Variants in SP100 observed in about 807,000 individuals in gnomAD.
SP100 encodes SP100 nuclear body protein, also known as nuclear autoantigen Sp-100.
SP100 carries 84 observed loss-of-function variants against 130.0 expected under a neutral mutation model. That is an observed-to-expected ratio of 0.65 (90% CI 0.54 to 0.77). The LOEUF (loss-of-function observed/expected upper bound fraction) is 0.77. Among genes scored for constraint, SP100 ranks in the 30% least tolerant of loss-of-function variants. The pLI, the probability that SP100 is intolerant of heterozygous loss-of-function variation, is 0.00. For missense variants in SP100, 978 were observed against 1,052.2 expected, an observed-to-expected ratio of 0.93 and a Z score of 0.97; for synonymous variants, 331 against 351.7, an observed-to-expected ratio of 0.94 and a Z score of 0.66.
chr2:230,463,047 A>G (rs1390426670), intron 10 of SP100, among the ~76,000 whole-genome samples: 1 of 152,230 alleles, frequency 6.6e-6, no homozygotes, highest in Admixed American at 6.5e-5. Flanking sequence ...TCAGCAAGTC[A>G]TGGCACATTT....
chr2:230,465,188 A>G (rs903551381), intron 11 of SP100, among the ~76,000 whole-genome samples: 1 of 152,002 alleles, frequency 6.6e-6, no homozygotes, highest in African/African-American at 2.4e-5. Flanking sequence ...GTGAGCCAAG[A>G]TCATACCACT....
chr2:230,534,222 A>T (rs922089862), intron 24 of SP100, among the ~76,000 whole-genome samples: 2 of 152,186 alleles, frequency 1.3e-5, no homozygotes, highest in African/African-American at 2.4e-5. Flanking sequence ...CCTGGCTAAC[A>T]TGGTGAAACT....
At chr2:230,541,169 A>G in intron 26 of SP100, 132 bp from the exon 27 acceptor site, 2 of 1,223,864 alleles carry the variant, frequency 1.6e-6, no homozygotes, top group East Asian at 2.4e-5. Context: ...ATCCCGGTCC[A>G]AAGAAACTCC....
chr2:230,464,069 A>G lies in SP100; in HGVS notation c.1060A>G (p.Ile354Val), dbSNP rs2064807135. The change falls in exon 11 of 29, where the codon ATC becomes GTC. Residue 354 changes from isoleucine to valine, a missense_variant and splice_region_variant. Physicochemically the swap from Ile to Val is conservative, Grantham distance 29. Transcript: ENST00000340126. Reference protein sequence around the residue: ...FISAPRSEPVINNDNPLESND... With the variant: ...FISAPRSEPVVNNDNPLESND... ...AAGAATCCCATTCTTTTGTGCAGTG[A>G]TCAATAATGACAACCCTTTAGAATC... is the stretch of plus-strand genomic sequence containing the variant. 1.9e-6 allele frequency: 3 copies of G among 1,608,298 alleles called. No homozygotes were observed. The highest frequency in any genetic ancestry group is 2.6e-6 in the Non-Finnish European group (3 of 1,174,830).
chr2:230,508,910 A>C, intron 23 of SP100: 1 of 139,010 alleles, frequency 7.2e-6, no homozygotes, highest in Non-Finnish European at 1.5e-5. Context: ...TTTATCTTTT[A>C]CCTCCACCAC....
chr2:230,444,371 T>G, intron 4 of SP100, 25 bp downstream of exon 4: 1 of 1,597,920 alleles, frequency 6.3e-7, no homozygotes, highest in Non-Finnish European at 8.6e-7. Context: ...TATCTACCTT[T>G]TTATTTCCAG....
rs143500479 is a variant in SP100 at position 230,467,122 on chromosome 2, A to G, written c.1198A>G (p.Ile400Val). Residue 400 changes from isoleucine (I) to valine (V), a missense_variant and splice_region_variant, in exon 13 of 29, where the codon ATA becomes GTA. Physicochemically the swap from Ile to Val is conservative, Grantham distance 29 (BLOSUM62 3). Coordinates refer to ENST00000340126, the MANE Select transcript of SP100 (RefSeq NM_001080391.2). Reference sequence around the variant, plus strand: ...AGGACATTTGCTCCTTTCTGCAGTGATAGGACAAGACCACGACTTTTCAGA... The same window carrying G: ...AGGACATTTGCTCCTTTCTGCAGTGGTAGGACAAGACCACGACTTTTCAGA... ...TFRESFKKRV[I>V]GQDHDFSESS... 4.3e-6 allele frequency: 7 copies of G among 1,612,262 alleles called. No individual in the cohort carries two copies. The highest frequency in any genetic ancestry group is 5.1e-6 in the Non-Finnish European group (6 of 1,178,304).
rs1260977281 is a variant in SP100, at chr2:230,443,082, A to G, written c.253A>G (p.Thr85Ala). 6.2e-7 allele frequency: 1 copy of G among 1,613,880 alleles called. No homozygotes were observed. The highest frequency in any genetic ancestry group is 8.5e-7 in the Non-Finnish European group (1 of 1,179,944). Residue 85 changes from threonine to alanine, a missense_variant, in exon 3 of 29, where the codon ACA becomes GCA. Coordinates refer to ENST00000340126, the MANE Select transcript of SP100 (RefSeq NM_001080391.2). ...LEGLRDRDLI[T>A]NKMFEDSQDS... is the part of the protein sequence containing the mutation. The stretch of plus-strand genomic sequence containing the variant: ...GGGCCTCCGTGATCGTGATCTCATC[A>G]CAAATAAAATGTTTGAAGTAAGTAA...
At chr2:230,482,808 AT>A (rs2065897265) in intron 17 of SP100, among the ~76,000 whole-genome samples, 1 of 152,156 alleles carries the variant, frequency 6.6e-6, no homozygotes. Context: ...TTTATAACGT[AT>A]TAATATCAGG....
chr2:230,425,168 TCTA>T (rs2062888598), intron 2 of SP100, among the ~76,000 whole-genome samples: 1 of 152,218 alleles, frequency 6.6e-6, no homozygotes, highest in South Asian at 2.1e-4. Context: ...ATATTTAAGA[TCTA>T]CTCTCTCAGC....
chr2:230,540,525 G>A (rs1181239791), intron 25 of SP100, among the ~76,000 whole-genome samples: 1 of 152,186 alleles, frequency 6.6e-6, no homozygotes, highest in Non-Finnish European at 1.5e-5. Flanking sequence ...GACTCATAGA[G>A]GCCCAACACT....
intron 24 of SP100, chr2:230,538,846 G>A: frequency 6.3e-6 from 1 of 159,452 alleles, no homozygotes; most frequent in South Asian, 1.8e-4. Flanking sequence ...TATGACAAGA[G>A]TGTGGGTTGC....
intron 2 of SP100, among the ~76,000 whole-genome samples, chr2:230,437,569 TTTG>T (rs1243623153): frequency 1.3e-5 from 2 of 151,898 alleles, no homozygotes; most frequent in Non-Finnish European, 2.9e-5. Flanking sequence ...TTTGTTTTGT[TTTG>T]TTGTTGTTGT....
At chr2:230,515,175 C>A in intron 24 of SP100, 1 of 1,613,510 alleles carries the variant, frequency 6.2e-7, no homozygotes, top group Non-Finnish European at 8.5e-7. Flanking sequence ...CATGGAAGAC[C>A]ATTTTTGCTA....
At chr2:230,502,134 TG>T (rs2067072314) in intron 19 of SP100, among the ~76,000 whole-genome samples, 1 of 151,992 alleles carries the variant, frequency 6.6e-6, no homozygotes, top group Non-Finnish European at 1.5e-5. Flanking sequence ...CCATCCACCT[TG>T]GCCTCCCAAA....
chr2:230,498,640 G>A, intron 19 of SP100, 105 bp downstream of exon 19: 2 of 549,954 alleles, frequency 3.6e-6, no homozygotes, highest in Non-Finnish European at 5.9e-6. Flanking sequence ...ACTTACTGTT[G>A]AGAAATATAT....
intron 2 of SP100, among the ~76,000 whole-genome samples, chr2:230,428,521 C>A (rs2063005170): frequency 6.6e-6 from 1 of 151,872 alleles, no homozygotes; most frequent in African/African-American, 2.4e-5. Flanking sequence ...CAGCTCACTG[C>A]AAACTCCACC....
rs1180295340 is a variant in SP100, at chr2:230,515,836, C to A, written c.2094+4670C>A. On this transcript the variant is annotated intron_variant, in intron 24 of 28. Transcript: ENST00000340126. ...GCCCTGTCCTGGTGGTATTTAGCCA[C>A]TAACCTTTGCCTGGTACAGTATGGG... The A allele has an allele frequency of 3.6e-6, 5 of 1,386,212 alleles. No individual in the cohort carries two copies. In the African/African-American group the frequency reaches 5.8e-5, roughly 16 times the overall value. The allele number at this position is 1,386,212 out of a possible 1,614,324, so 85.9% of individuals were successfully genotyped here. A position where few individuals can be genotyped will look rare whatever the true frequency, so the allele number is the denominator to read the frequency against.
At chr2:230,494,322 A>G in intron 17 of SP100, 94 bp from the exon 18 acceptor site, 1 of 1,026,426 alleles carries the variant, frequency 9.7e-7, no homozygotes, top group Non-Finnish European at 1.5e-6. Context: ...TAGAAGGAAA[A>G]CAAAATTCAA....
Sources: gnomAD v4.1 joint callset for allele counts (sites outside exome capture counted in the v4.1 genomes callset) on GRCh38, gnomAD v4.1.1 for gene constraint, MANE v1.5 for transcripts, NCBI Gene and HGNC (gene_info 2026-07-23, HGNC 2026-07-21) for gene names.